The following STXBP5L variants were observed in gnomAD, a reference collection of about 807,000 sequenced individuals.
The protein encoded by STXBP5L is syntaxin binding protein 5L.
STXBP5L carries 65 observed loss-of-function variants against 144.5 expected under a neutral mutation model. The observed-to-expected ratio is 0.45, with a 90% confidence interval of 0.37 to 0.55. The LOEUF (loss-of-function observed/expected upper bound fraction) is 0.55. STXBP5L is among the 20% of genes least tolerant of loss of function. The probability of loss-of-function intolerance (pLI) is 0.00; values close to 1 mark genes in which losing one functional copy is unlikely to be tolerated. For missense variants in STXBP5L, 1,298 were observed against 1,405.5 expected, an observed-to-expected ratio of 0.92 and a Z score of 1.22; for synonymous variants, 505 against 469.6, an observed-to-expected ratio of 1.08 and a Z score of -0.97.
intron 3 of STXBP5L, among the ~76,000 whole-genome samples, chr3:120,972,521 A>G (rs1940392955): frequency 6.6e-6 from 1 of 152,076 alleles, no homozygotes; most frequent in Admixed American, 6.6e-5. Context: ...GTGAACAGAG[A>G]TAATTTGACT....
In STXBP5L at chr3:121,239,085, A is replaced by C; in HGVS notation, c.1299A>C (p.Gly433=). 1 of 1,595,386 alleles carries C rather than the reference A, an allele frequency of 6.3e-7. No homozygotes were observed. The highest frequency in any genetic ancestry group is 8.5e-7 in the Non-Finnish European group (1 of 1,171,800). ...TGATTCTAGTACTGTATTCTATAGG[A>C]GTCAAGCATAAAAAACAAGGATACA... The part of the protein sequence containing the change: ...PDLILVLYSI[G]VKHKKQGYSN... Residue 433 remains glycine (G), a synonymous_variant, in exon 13 of 27, where the codon GGA becomes GGC. Transcript: ENST00000471454.
At position 121,006,347 on chromosome 3, in the gene STXBP5L, C is replaced by A. The variant is rs1185213836; in HGVS notation, c.288-35353C>A. ...CTTTTGATCTTTGTTGGTTTAAAGTCTGTTTTATCAGAGACTAGGATTGCA... is the reference window on the plus strand; with the variant it reads ...CTTTTGATCTTTGTTGGTTTAAAGTATGTTTTATCAGAGACTAGGATTGCA... On this transcript the variant is annotated intron_variant, in intron 3 of 26. Coordinates refer to ENST00000471454, the MANE Select transcript of STXBP5L (RefSeq NM_001308330.2). Among the ~76,000 whole-genome samples the A allele has an allele frequency of 5.3e-5, 8 of 152,180 alleles. No individual in the cohort carries two copies. The East Asian group carries it at 1.5e-3, about 29-fold the overall frequency.
intron 19 of STXBP5L, among the ~76,000 whole-genome samples, chr3:121,280,504 C>T (rs1022562368): frequency 1.3e-5 from 2 of 151,776 alleles, no homozygotes; most frequent in African/African-American, 4.8e-5. Flanking sequence ...TGACAGATGG[C>T]ATTTTTCTTG....
intron 9 of STXBP5L, among the ~76,000 whole-genome samples, chr3:121,180,307 G>T (rs1017987617): frequency 6.6e-6 from 1 of 152,170 alleles, no homozygotes; most frequent in African/African-American, 2.4e-5. Context: ...CAAAATACTT[G>T]TTAGCCAAGA....
intron 20 of STXBP5L, among the ~76,000 whole-genome samples, chr3:121,320,478 T>A (rs1181172118): frequency 6.6e-6 from 1 of 152,054 alleles, no homozygotes; most frequent in Non-Finnish European, 1.5e-5. Context: ...AGGAAAAAAT[T>A]GGCTAGGGCC....
intron 3 of STXBP5L, among the ~76,000 whole-genome samples, chr3:120,975,814 G>A (rs1394745054): frequency 1.3e-5 from 2 of 151,766 alleles, no homozygotes; most frequent in African/African-American, 4.8e-5. Flanking sequence ...TGTGGTTTTT[G>A]TCTTTGGTTC....
chr3:121,023,289 G>T (rs1945694251), intron 3 of STXBP5L, among the ~76,000 whole-genome samples: 3 of 152,136 alleles, frequency 2.0e-5, no homozygotes, highest in Non-Finnish European at 4.4e-5. Flanking sequence ...TGGATGGATA[G>T]AATCAGTATT....
chr3:121,139,568 G>A (rs545664607), intron 7 of STXBP5L, among the ~76,000 whole-genome samples: 12 of 152,134 alleles, frequency 7.9e-5, no homozygotes, highest in South Asian at 4.1e-4. Context: ...TATAAGAACA[G>A]ATATAATAAA....
intron 22 of STXBP5L, among the ~76,000 whole-genome samples, chr3:121,389,276 C>G (rs1378453228): frequency 6.6e-6 from 1 of 151,358 alleles, no homozygotes; most frequent in Non-Finnish European, 1.5e-5. Flanking sequence ...TGATTCTTCT[C>G]TCTTCTTTAT....
At chr3:121,074,862 G>A (rs866573478) in intron 5 of STXBP5L, among the ~76,000 whole-genome samples, 6 of 152,260 alleles carry the variant, frequency 3.9e-5, no homozygotes, top group Middle Eastern at 3.4e-3. Flanking sequence ...AATTCATGTT[G>A]AACCTGCTGT....
intron 9 of STXBP5L, 46 bp from the exon 10 acceptor site, chr3:121,205,877 T>C: frequency 9.8e-7 from 1 of 1,025,150 alleles, no homozygotes; most frequent in Non-Finnish European, 1.4e-6. Context: ...TTCTTACAGA[T>C]GAATATAATT....
intron 3 of STXBP5L, among the ~76,000 whole-genome samples, chr3:120,996,688 T>A (rs1410762148): frequency 6.6e-6 from 1 of 152,164 alleles, no homozygotes; most frequent in South Asian, 2.1e-4. Flanking sequence ...AGATTTCACA[T>A]ATATGTGTAA....
chr3:120,931,546 T>C (rs1576437660), intron 2 of STXBP5L, among the ~76,000 whole-genome samples: 2 of 152,198 alleles, frequency 1.3e-5, no homozygotes. Context: ...CTTACAGCTG[T>C]TAGAGGTTGC....
chr3:120,948,217 G>A lies in STXBP5L; in HGVS notation c.190-6723G>A, dbSNP rs115774721. 5.4e-3 allele frequency among the ~76,000 whole-genome samples: 810 copies of A among 151,006 alleles called. 8 individuals are homozygous for A. The highest frequency in any genetic ancestry group is 0.019 in the African/African-American group (768 of 41,320). ...TGGCTAATGATGTTGAGGATCTTTCGGTGTTTATTGGCCATTTATATATAT... is the reference window on the plus strand; with the variant it reads ...TGGCTAATGATGTTGAGGATCTTTCAGTGTTTATTGGCCATTTATATATAT... On this transcript the variant is annotated intron_variant, in intron 2 of 26. Transcript: ENST00000471454.
At chr3:121,188,574 A>G (rs1407396835) in intron 9 of STXBP5L, among the ~76,000 whole-genome samples, 1 of 152,108 alleles carries the variant, frequency 6.6e-6, no homozygotes, top group African/African-American at 2.4e-5. Flanking sequence ...ATACTGGCAA[A>G]CTGAATCCAG....
intron 9 of STXBP5L, among the ~76,000 whole-genome samples, chr3:121,173,849 T>C (rs987426192): frequency 6.6e-6 from 1 of 152,018 alleles, no homozygotes; most frequent in Non-Finnish European, 1.5e-5. Context: ...CATAATGTCA[T>C]GACTTTTTTC....
chr3:121,250,050 A>G lies in STXBP5L; in HGVS notation c.1401-673A>G, dbSNP rs530364002. Reference sequence around the variant, plus strand: ...CATTCCTAAGAAAACCCACTTAGTCATTATGTACTATCCTTTCTATATATT... The same window carrying G: ...CATTCCTAAGAAAACCCACTTAGTCGTTATGTACTATCCTTTCTATATATT... On this transcript the variant is annotated intron_variant, in intron 14 of 26. Transcript: ENST00000471454. Among the ~76,000 whole-genome samples, 5 of 152,118 alleles carry G rather than the reference A, an allele frequency of 3.3e-5. No individual in the cohort carries two copies. The South Asian group carries it at 1.0e-3, about 32-fold the overall frequency.
In STXBP5L at chr3:121,061,056, G is replaced by T. The variant is rs548056135; in HGVS notation, c.470+15521G>T. Among the ~76,000 whole-genome samples the T allele has an allele frequency of 2.4e-3, 359 of 152,018 alleles. 1 individual carries two copies. Among genetic ancestry groups the T allele is most frequent in the Non-Finnish European group, 3.6e-3 (242 of 67,978 alleles). ...TCTTGCTTTTTTAGTTCTTTTAATT[G>T]TGATGTTAGGGTATTGATTTTAGAT... On this transcript the variant is annotated intron_variant, in intron 5 of 26. Coordinates refer to ENST00000471454, the MANE Select transcript of STXBP5L (RefSeq NM_001308330.2).
chr3:121,149,983 G>C (rs966103511), intron 7 of STXBP5L, among the ~76,000 whole-genome samples: 45 of 151,842 alleles, frequency 3.0e-4, no homozygotes, highest in African/African-American at 1.0e-3. Flanking sequence ...ATTCATCTGT[G>C]TCTTGTGAGG....
Sources: gnomAD v4.1 joint callset for allele counts (sites outside exome capture counted in the v4.1 genomes callset) on GRCh38, gnomAD v4.1.1 for gene constraint, MANE v1.5 for transcripts, NCBI Gene and HGNC (gene_info 2026-07-23, HGNC 2026-07-21) for gene names.